SCAPER: variants seen among roughly 807,000 people sequenced by gnomAD.
SCAPER encodes the protein S phase cyclin A-associated protein in the endoplasmic reticulum.
In SCAPER, 98 loss-of-function variants were observed where a neutral mutation model predicts 182.2. The observed-to-expected ratio is 0.54, with a 90% CI of 0.46 to 0.64. The LOEUF (loss-of-function observed/expected upper bound fraction) is 0.64. SCAPER is among the 30% of genes least tolerant of loss of function. The pLI is 0.00. For synonymous variants in SCAPER, 605 were observed against 564.6 expected (o/e 1.07, Z -1.01); for missense variants, 1,432 against 1,690.0 (o/e 0.85, Z 2.68).
chr15:76,608,845 G>A (rs957043152), intron 22 of SCAPER, among the ~76,000 whole-genome samples: 8 of 152,292 alleles, frequency 5.3e-5, no homozygotes, highest in African/African-American at 1.2e-4. Flanking sequence ...ATAATCTCCT[G>A]GTGTGCCGTT....
chr15:76,472,424 A>AT, intron 24 of SCAPER: 1 of 598,188 alleles, frequency 1.7e-6, no homozygotes, highest in Non-Finnish European at 3.1e-6. Context: ...TTGAAATACT[A>AT]TTTTTACGAA....
intron 22 of SCAPER, among the ~76,000 whole-genome samples, chr15:76,580,553 G>A (rs911592961): frequency 3.3e-5 from 5 of 152,140 alleles, no homozygotes; most frequent in Non-Finnish European, 2.9e-5. Context: ...CCAGGAGCTT[G>A]AGGCTAGCCT....
intron 15 of SCAPER, among the ~76,000 whole-genome samples, chr15:76,739,506 G>C (rs1346671168): frequency 6.6e-6 from 1 of 152,152 alleles, no homozygotes; most frequent in African/African-American, 2.4e-5. Context: ...CACTCCACCT[G>C]ATAACCAAGA....
chr15:76,751,964 G>A (rs989851056), intron 15 of SCAPER, among the ~76,000 whole-genome samples: 5 of 151,226 alleles, frequency 3.3e-5, no homozygotes, highest in Non-Finnish European at 7.4e-5. Context: ...GGGAGAAAAC[G>A]TTTGCAAATC....
rs1044462782 is a variant in SCAPER, at chr15:76,602,790, AT to A, written c.2711+18973del. ...CCAGTCTTCTTTAAATTGTTTTTCA[AT>A]TTTGGAAGTTACTATTGTCATATCC... On this transcript the variant is annotated intron_variant, in intron 22 of 31. Coordinates refer to ENST00000563290, the MANE Select transcript of SCAPER (RefSeq NM_020843.4). 1.1e-4 allele frequency among the ~76,000 whole-genome samples: 13 copies of A among 118,780 alleles called. 1 individual carries two copies. Among genetic ancestry groups the A allele is most frequent in the African/African-American group, 3.3e-4 (13 of 39,322 alleles). The allele number at this position is 118,780 out of a possible 152,430, so 77.9% of individuals were successfully genotyped here.
chr15:76,495,405 C>G (rs530722338), intron 24 of SCAPER, among the ~76,000 whole-genome samples: 1 of 151,906 alleles, frequency 6.6e-6, no homozygotes, highest in Non-Finnish European at 1.5e-5. Flanking sequence ...TGGTGAGACC[C>G]TGTCTCTACT....
At chr15:76,877,761 G>A (rs867317468) in intron 2 of SCAPER, among the ~76,000 whole-genome samples, 1 of 152,180 alleles carries the variant, frequency 6.6e-6, no homozygotes, top group African/African-American at 2.4e-5. Flanking sequence ...CTGAAGAACT[G>A]TTCCAGATTA....
chr15:76,373,036 TTTTC>T (rs201780307), intron 29 of SCAPER, among the ~76,000 whole-genome samples: 7 of 42,128 alleles, frequency 1.7e-4, no homozygotes, highest in South Asian at 1.7e-3. Context: ...TTTCTTTCCT[TTTTC>T]TTTCTTTCTT....
chr15:76,754,752 C>T (rs939572392), intron 14 of SCAPER, among the ~76,000 whole-genome samples: 1 of 151,942 alleles, frequency 6.6e-6, no homozygotes, highest in Non-Finnish European at 1.5e-5. Context: ...AAGTATGATA[C>T]AAAAATAGCA....
rs183749224 is a variant in SCAPER, at chr15:76,426,267, C to T, written c.3311+7811G>A. Among the ~76,000 whole-genome samples, 22 of 152,352 alleles carry T rather than the reference C, an allele frequency of 1.4e-4. No homozygotes were observed. The South Asian group carries it at 2.1e-3, about 14-fold the overall frequency. On this transcript the variant is annotated intron_variant, in intron 26 of 31. Coordinates refer to ENST00000563290, the MANE Select transcript of SCAPER (RefSeq NM_020843.4). The stretch of plus-strand genomic sequence containing the variant: ...GAGCTGTGGTAGGCTCCACCCAGTT[C>T]GAGCTTCCTGGCCGCTTTACCTACT...
intron 10 of SCAPER, 100 bp downstream of exon 10, chr15:76,771,642 A>C: frequency 2.4e-6 from 2 of 824,526 alleles, no homozygotes. Context: ...AAAATGCTTT[A>C]AAAAGTATAA....
At chr15:76,814,664 A>G (rs1444335471) in intron 5 of SCAPER, among the ~76,000 whole-genome samples, 2 of 152,232 alleles carry the variant, frequency 1.3e-5, no homozygotes, top group Non-Finnish European at 2.9e-5. Flanking sequence ...AACTTCTAGA[A>G]GAAAACAAAA....
intron 15 of SCAPER, among the ~76,000 whole-genome samples, chr15:76,749,858 A>AT (rs1415432560): frequency 6.6e-6 from 1 of 152,034 alleles, no homozygotes; most frequent in African/African-American, 2.4e-5. Context: ...TTTAAAAAAT[A>AT]TTTTTGTAGA....
At chr15:76,615,441 T>C (rs1046854002) in intron 22 of SCAPER, among the ~76,000 whole-genome samples, 25 of 147,088 alleles carry the variant, frequency 1.7e-4, no homozygotes, top group Non-Finnish European at 3.1e-4. Flanking sequence ...CAAGAGTCCA[T>C]CTCAAAAACA....
At chr15:76,827,271 T>C (rs1006003029) in intron 5 of SCAPER, among the ~76,000 whole-genome samples, 1 of 152,238 alleles carries the variant, frequency 6.6e-6, no homozygotes, top group Non-Finnish European at 1.5e-5. Flanking sequence ...TGTTGCATTA[T>C]GCCAGTTCCC....
chr15:76,728,563 C>A (rs1178450006), intron 17 of SCAPER, 32 bp downstream of exon 17: 4 of 1,612,176 alleles, frequency 2.5e-6, no homozygotes, highest in African/African-American at 2.7e-5. Context: ...TCACTCAGTG[C>A]AAAATGTTCA....
intron 22 of SCAPER, among the ~76,000 whole-genome samples, chr15:76,580,327 C>G (rs1177237264): frequency 6.6e-6 from 1 of 152,164 alleles, no homozygotes; most frequent in Non-Finnish European, 1.5e-5. Flanking sequence ...ATAGTCTTCT[C>G]TGACAAAACT....
chr15:76,362,888 C>T (rs2041544501), intron 29 of SCAPER, among the ~76,000 whole-genome samples: 2 of 152,194 alleles, frequency 1.3e-5, no homozygotes, highest in African/African-American at 4.8e-5. Context: ...TTTGCTAAGA[C>T]CTAAGAGTGA....
intron 22 of SCAPER, among the ~76,000 whole-genome samples, chr15:76,620,687 G>A (rs150477195): frequency 6.6e-6 from 1 of 152,104 alleles, no homozygotes; most frequent in African/African-American, 2.4e-5. Flanking sequence ...CACTTAAATT[G>A]TTTCTTGACT....
Sources: gnomAD v4.1 joint callset for allele counts (sites outside exome capture counted in the v4.1 genomes callset) on GRCh38, gnomAD v4.1.1 for gene constraint, MANE v1.5 for transcripts, NCBI Gene and HGNC (gene_info 2026-07-23, HGNC 2026-07-21) for gene names.